SLC6A11: variants seen among roughly 807,000 people sequenced by gnomAD.
The protein encoded by SLC6A11 is solute carrier family 6 member 11.
In SLC6A11, 25 loss-of-function variants were observed where a neutral mutation model predicts 74.8. That is an observed-to-expected ratio of 0.33 (90% CI 0.24 to 0.47). The LOEUF is 0.47. Ranked by LOEUF, SLC6A11 falls within the 20% of genes least tolerant of loss-of-function variation. SLC6A11 has a pLI of 1.00. For missense variants in SLC6A11, 574 were observed against 837.0 expected, an observed-to-expected ratio of 0.69 and a Z score of 3.88; for synonymous variants, 330 against 330.2, an observed-to-expected ratio of 1.00 and a Z score of 0.01.
At position 10,873,971 on chromosome 3, in the gene SLC6A11, T is replaced by TGCTACGCTACGCTACGCTAC. The variant is rs762939574; in HGVS notation, c.757-985_757-966dup. 1.1e-4 allele frequency among the ~76,000 whole-genome samples: 15 copies of TGCTACGCTACGCTACGCTAC among 130,518 alleles called. No individual in the cohort carries two copies. In the South Asian group the frequency reaches 2.2e-3, roughly 19 times the overall value. 85.6% of individuals were successfully genotyped at this position (130,518 alleles called of 152,430 possible). A position where few individuals can be genotyped will look rare whatever the true frequency, so the allele number is the denominator to read the frequency against. On this transcript the variant is annotated intron_variant, in intron 5 of 13. Coordinates refer to ENST00000254488, the MANE Select transcript of SLC6A11 (RefSeq NM_014229.3). Reference sequence around the variant, plus strand: ...TCCTATGCTATGCTACGCTATGCTATGCTACGCTACGCTACGCTACGCTAT... The same window carrying TGCTACGCTACGCTACGCTAC: ...TCCTATGCTATGCTACGCTATGCTATGCTACGCTACGCTACGCTACGCTACGCTACGCTACGCTACGCTAT...
intron 4 of SLC6A11, among the ~76,000 whole-genome samples, chr3:10,833,275 T>C (rs1440104815): frequency 6.6e-6 from 1 of 152,212 alleles, no homozygotes. Flanking sequence ...TTGGCCAGGC[T>C]GGTCTCAAAC....
chr3:10,819,577 G>A lies in SLC6A11; in HGVS notation c.369G>A (p.Arg123=), dbSNP rs745791264. ...GTGAAGGTGGCATTACGTGTTGGAG[G>A]AAAGTTTGCCCTTTATTTGAAGGTA... ...FTSEGGITCW[R]KVCPLFEGIG... The change falls in exon 2 of 14, where the codon AGG becomes AGA. Residue 123 remains arginine, a synonymous_variant. Coordinates refer to ENST00000254488, the MANE Select transcript of SLC6A11 (RefSeq NM_014229.3). 4.3e-6 allele frequency: 7 copies of A among 1,613,982 alleles called. No homozygotes were observed. Among genetic ancestry groups the A allele is most frequent in the African/African-American group, 2.7e-5 (2 of 74,942 alleles).
Position 10,819,794 on chromosome 3 carries a change from G to C in SLC6A11, c.474G>C (p.Leu158=). Residue 158 remains leucine (L), a synonymous_variant, in exon 3 of 14, where the codon CTG becomes CTC. Transcript: ENST00000254488. Reference sequence around the variant, plus strand: ...TCCTGGCATGGGCCATTTTTTACCTGAGCAACTGCTTCACTACTGAGCTAC... The same window carrying C: ...TCCTGGCATGGGCCATTTTTTACCTCAGCAACTGCTTCACTACTGAGCTAC... The part of the protein sequence containing the change: ...IIILAWAIFY[L]SNCFTTELPW... 6.2e-7 allele frequency: 1 copy of C among 1,614,200 alleles called. No individual in the cohort carries two copies. Among genetic ancestry groups the C allele is most frequent in the Non-Finnish European group, 8.5e-7 (1 of 1,180,030 alleles).
intron 10 of SLC6A11, among the ~76,000 whole-genome samples, chr3:10,931,437 G>T (rs1168104122): frequency 6.6e-6 from 1 of 152,124 alleles, no homozygotes; most frequent in South Asian, 2.1e-4. Flanking sequence ...TACAAGCCCC[G>T]TACTCCACAG....
chr3:10,865,430 G>A (rs995335163), intron 5 of SLC6A11, among the ~76,000 whole-genome samples: 40 of 152,322 alleles, frequency 2.6e-4, no homozygotes, highest in Non-Finnish European at 4.1e-4. Context: ...TTGGGAGGCC[G>A]AGGTGGGTGG....
chr3:10,925,788 C>T (rs1695596912), intron 8 of SLC6A11, among the ~76,000 whole-genome samples: 1 of 152,194 alleles, frequency 6.6e-6, no homozygotes, highest in Non-Finnish European at 1.5e-5. Flanking sequence ...TTCCAAGGCC[C>T]TTGTTTACCT....
chr3:10,929,205 G>T lies in SLC6A11; in HGVS notation c.1237G>T (p.Val413Leu). 6.2e-7 allele frequency: 1 copy of T among 1,613,992 alleles called. No individual in the cohort carries two copies. The highest frequency in any genetic ancestry group is 8.5e-7 in the Non-Finnish European group (1 of 1,179,940). The change falls in exon 10 of 14, where the codon GTG (valine) becomes TTG (leucine). Residue 413 changes from valine (V) to leucine (L), a missense_variant. Physicochemically the swap from Val to Leu is conservative, Grantham distance 32. Transcript: ENST00000254488. ...LIFLGLDSQF[V>L]CVESLVTAVV... ...ACCATCATATCTCCCCATCCAGTTT[G>T]TGTGTGTGGAAAGCCTGGTGACCGC...
In SLC6A11 at chr3:10,938,626, G is replaced by C. The variant is rs764231647; in HGVS notation, c.*224G>C. Reference sequence around the variant, plus strand: ...CCACTACAAAGAGATAACACTGTACGGGGACTGCCAGATCTTCTGTCCTAG... The same window carrying C: ...CCACTACAAAGAGATAACACTGTACCGGGACTGCCAGATCTTCTGTCCTAG... On this transcript the variant is annotated 3_prime_UTR_variant, in exon 14 of 14. Transcript: ENST00000254488. 31 of 399,888 alleles carry C rather than the reference G, an allele frequency of 7.8e-5. No homozygotes were observed. Among genetic ancestry groups the C allele is most frequent in the Admixed American group, 5.3e-4 (13 of 24,688 alleles). 24.8% of individuals were successfully genotyped at this position (399,888 alleles called of 1,614,324 possible).
chr3:10,927,232 G>A (rs1047103862), intron 9 of SLC6A11, among the ~76,000 whole-genome samples: 4 of 152,198 alleles, frequency 2.6e-5, no homozygotes, highest in African/African-American at 7.2e-5. Context: ...CAGAGGTCTC[G>A]GAGGGATTGG....
chr3:10,821,114 TC>T (rs1265249417), intron 3 of SLC6A11, among the ~76,000 whole-genome samples: 5 of 152,242 alleles, frequency 3.3e-5, no homozygotes, highest in African/African-American at 9.6e-5. Context: ...GTTTTTAACC[TC>T]CCTTTGGCCA....
At chr3:10,913,972 C>T (rs1214867837) in intron 7 of SLC6A11, among the ~76,000 whole-genome samples, 1 of 152,204 alleles carries the variant, frequency 6.6e-6, no homozygotes, top group African/African-American at 2.4e-5. Context: ...GGATTACAGG[C>T]TTGAGCCACG....
intron 6 of SLC6A11, among the ~76,000 whole-genome samples, chr3:10,890,883 A>T (rs1377687561): frequency 6.6e-6 from 1 of 152,184 alleles, no homozygotes; most frequent in East Asian, 1.9e-4. Context: ...GAATTGTAGG[A>T]TGGTAATTTT....
At chr3:10,922,041 C>T (rs1342788956) in intron 8 of SLC6A11, among the ~76,000 whole-genome samples, 2 of 152,162 alleles carry the variant, frequency 1.3e-5, no homozygotes, top group East Asian at 3.8e-4. Flanking sequence ...GAGATTTTAA[C>T]ACCCCTCTTT....
chr3:10,819,458 C>G lies in SLC6A11; in HGVS notation c.257-7C>G. 2 of 1,604,024 alleles carry G rather than the reference C, an allele frequency of 1.2e-6. No individual in the cohort carries two copies. On this transcript the variant is annotated splice_region_variant and splice_polypyrimidine_tract_variant and intron_variant, in intron 1 of 13. Coordinates refer to ENST00000254488, the MANE Select transcript of SLC6A11 (RefSeq NM_014229.3). ...AGTTTTCATTTCATTCCTTTGCATC[C>G]TTACAGGGGCATTCCTGATTCCCTA...
intron 4 of SLC6A11, among the ~76,000 whole-genome samples, chr3:10,842,349 C>A (rs184219217): frequency 1.9e-4 from 29 of 152,174 alleles, no homozygotes; most frequent in Non-Finnish European, 2.4e-4. Context: ...TCACAAAGTG[C>A]AGCTCCTTGG....
chr3:10,879,386 G>A (rs554723402), intron 6 of SLC6A11, among the ~76,000 whole-genome samples: 2 of 152,278 alleles, frequency 1.3e-5, no homozygotes, highest in South Asian at 4.2e-4. Flanking sequence ...GTATGCTGCA[G>A]GAAGAAGCCC....
rs1436393359 is a variant in SLC6A11 at position 10,819,365 on chromosome 3, A to G, written c.257-100A>G. On this transcript the variant is annotated intron_variant, in intron 1 of 13. Transcript: ENST00000254488. ...GGGAACTTGAACTCAAGTTCAAAGAACATCATGTCTGGCCTGTAGTAGATG... is the reference window on the plus strand; with the variant it reads ...GGGAACTTGAACTCAAGTTCAAAGAGCATCATGTCTGGCCTGTAGTAGATG... The G allele has an allele frequency of 4.1e-6, 5 of 1,232,924 alleles. No homozygotes were observed. In the East Asian group the frequency reaches 1.2e-4, roughly 29 times the overall value. The allele number at this position is 1,232,924 out of a possible 1,614,324, so 76.4% of individuals were successfully genotyped here. A position where few individuals can be genotyped will look rare whatever the true frequency, so the allele number is the denominator to read the frequency against.
intron 8 of SLC6A11, 84 bp from the exon 9 acceptor site, chr3:10,925,920 C>T: frequency 4.0e-6 from 3 of 758,282 alleles, no homozygotes; most frequent in Middle Eastern, 2.4e-4. Flanking sequence ...GCAGAGGAGG[C>T]ACTCAGTAAA....
In SLC6A11 at chr3:10,844,196, C is replaced by G. The variant is rs74989838; in HGVS notation, c.624-18C>G. 1.1e-4 allele frequency: 177 copies of G among 1,614,142 alleles called. No individual in the cohort carries two copies. The African/African-American group carries it at 2.2e-3, about 20-fold the overall frequency. ...GGCCAGCCCCAGCCCCAGTGACTCTCCACCCTCCCTTCTGCAGGCACCGGG... is the reference window on the plus strand; with the variant it reads ...GGCCAGCCCCAGCCCCAGTGACTCTGCACCCTCCCTTCTGCAGGCACCGGG... On this transcript the variant is annotated intron_variant, in intron 4 of 13. Transcript: ENST00000254488.
Sources: gnomAD v4.1 joint callset for allele counts (sites outside exome capture counted in the v4.1 genomes callset) on GRCh38, gnomAD v4.1.1 for gene constraint, MANE v1.5 for transcripts, NCBI Gene and HGNC (gene_info 2026-07-23, HGNC 2026-07-21) for gene names.